SRGAP3: variants seen among roughly 807,000 people sequenced by gnomAD.
SRGAP3 encodes the protein SLIT-ROBO Rho GTPase-activating protein 3.
Under a neutral mutation model 121.1 loss-of-function variants are expected in SRGAP3, and 39 were observed. The ratio of observed to expected loss-of-function variants is 0.32; its 90% CI spans 0.25 to 0.42. SRGAP3 has a LOEUF of 0.42. SRGAP3 is among the 10% of genes least tolerant of loss of function. The pLI, the probability that SRGAP3 is intolerant of heterozygous loss-of-function variation, is 1.00. For synonymous variants in SRGAP3, 601 were observed against 570.0 expected (o/e 1.05, Z -0.77); for missense variants, 1,213 against 1,470.6 (o/e 0.82, Z 2.86).
intron 5 of SRGAP3, among the ~76,000 whole-genome samples, chr3:9,060,953 C>T (rs1190682037): frequency 4.6e-5 from 7 of 152,112 alleles, no homozygotes; most frequent in Admixed American, 2.0e-4. Flanking sequence ...AAATAAGATC[C>T]CTGGCCAGGA....
chr3:9,233,284 T>G (rs1345472325), intron 1 of SRGAP3, among the ~76,000 whole-genome samples: 2 of 152,242 alleles, frequency 1.3e-5, no homozygotes, highest in Non-Finnish European at 2.9e-5. Flanking sequence ...GAGCCGTGAT[T>G]GAACCCCGGT....
chr3:9,327,590 C>T (rs554994922), intron 2 of SRGAP3, among the ~76,000 whole-genome samples: 1 of 152,310 alleles, frequency 6.6e-6, no homozygotes, highest in African/African-American at 2.4e-5. Flanking sequence ...TTTAATTATG[C>T]ACTAGGTGTG....
At chr3:9,084,918 G>A (rs1452304418) in intron 3 of SRGAP3, among the ~76,000 whole-genome samples, 1 of 152,140 alleles carries the variant, frequency 6.6e-6, no homozygotes, top group Admixed American at 6.5e-5. Flanking sequence ...CAGGCCTGTT[G>A]GGCAGCAGAG....
At chr3:9,341,479 G>A (rs1351959865) in intron 1 of SRGAP3, among the ~76,000 whole-genome samples, 1 of 152,198 alleles carries the variant, frequency 6.6e-6, no homozygotes, top group East Asian at 1.9e-4. Flanking sequence ...ATATTTCCCA[G>A]CTGCTTACAG....
chr3:9,347,971 T>C (rs989416701), intron 1 of SRGAP3, among the ~76,000 whole-genome samples: 3 of 152,220 alleles, frequency 2.0e-5, no homozygotes, highest in African/African-American at 4.8e-5. Flanking sequence ...AAGAGTAGCA[T>C]GGTTACTCAC....
rs1042017711 is a variant in SRGAP3 at position 9,135,889 on chromosome 3, T to C, written c.68-10972A>G. 5.5e-4 allele frequency among the ~76,000 whole-genome samples: 83 copies of C among 152,258 alleles called. 2 individuals are homozygous for C. Among genetic ancestry groups the C allele is most frequent in the South Asian group, 4.1e-4 (2 of 4,824 alleles). ...GGTCTCTGTTTTCTCATCTGTAAAATAGGGAATAATACCTTCCCCCCTGGG... is the reference window on the plus strand; with the variant it reads ...GGTCTCTGTTTTCTCATCTGTAAAACAGGGAATAATACCTTCCCCCCTGGG... On this transcript the variant is annotated intron_variant, in intron 1 of 21. Coordinates refer to ENST00000383836, the MANE Select transcript of SRGAP3 (RefSeq NM_014850.4).
chr3:9,184,211 C>T (rs1297157519), intron 1 of SRGAP3, among the ~76,000 whole-genome samples: 2 of 152,170 alleles, frequency 1.3e-5, no homozygotes, highest in African/African-American at 2.4e-5. Context: ...AAGCCAGAGG[C>T]CATGGCAAGG....
intron 1 of SRGAP3, among the ~76,000 whole-genome samples, chr3:9,229,569 C>T (rs1054073990): frequency 1.3e-5 from 2 of 152,166 alleles, no homozygotes; most frequent in African/African-American, 4.8e-5. Flanking sequence ...TCCTAGCCAG[C>T]GGCCTGTGTC....
intron 3 of SRGAP3, among the ~76,000 whole-genome samples, chr3:9,315,558 AC>A (rs1955329590): frequency 6.6e-6 from 1 of 152,130 alleles, no homozygotes; most frequent in Admixed American, 6.6e-5. Flanking sequence ...GGAGACAATA[AC>A]CTCTTACGTG....
At chr3:9,127,047 TC>T (rs1193279171) in intron 1 of SRGAP3, among the ~76,000 whole-genome samples, 2 of 152,080 alleles carry the variant, frequency 1.3e-5, no homozygotes, top group African/African-American at 2.4e-5. Flanking sequence ...CAAAGTGTGG[TC>T]CATGAGACCA....
At chr3:9,057,693 G>A (rs544279970) in intron 7 of SRGAP3, among the ~76,000 whole-genome samples, 165 of 152,370 alleles carry the variant, frequency 1.1e-3, no homozygotes, top group Non-Finnish European at 2.0e-3. Flanking sequence ...ATTTGCATAA[G>A]GGATTTTGTA....
At chr3:9,336,542 T>A (rs575105739) in intron 1 of SRGAP3, among the ~76,000 whole-genome samples, 1 of 151,972 alleles carries the variant, frequency 6.6e-6, no homozygotes, top group Non-Finnish European at 1.5e-5. Context: ...TTTAAAGAAA[T>A]GTTGTTGGGA....
intron 1 of SRGAP3, among the ~76,000 whole-genome samples, chr3:9,135,950 G>A (rs895267674): frequency 2.0e-5 from 3 of 152,242 alleles, no homozygotes; most frequent in Non-Finnish European, 4.4e-5. Context: ...TGCGCGTGGT[G>A]CCTGGGGCAC....
intron 4 of SRGAP3, among the ~76,000 whole-genome samples, chr3:9,070,146 G>A (rs1208547161): frequency 6.6e-6 from 1 of 152,226 alleles, no homozygotes; most frequent in Non-Finnish European, 1.5e-5. Flanking sequence ...ACAGCAAAGT[G>A]TTATCTGTAC....
Position 9,013,553 on chromosome 3 carries a change from C to G in SRGAP3, c.1920-18G>C, listed in dbSNP as rs768761962. On this transcript the variant is annotated intron_variant, in intron 16 of 21. Coordinates refer to ENST00000383836, the MANE Select transcript of SRGAP3 (RefSeq NM_014850.4). ...GGGAGAGGCTAGGAGAGAGGAGTTACCCACAAGTCATCTGGGAAAGGCAAG... is the reference window on the plus strand; with the variant it reads ...GGGAGAGGCTAGGAGAGAGGAGTTAGCCACAAGTCATCTGGGAAAGGCAAG... 2.2e-5 allele frequency: 36 copies of G among 1,612,802 alleles called. No homozygotes were observed. Among genetic ancestry groups the G allele is most frequent in the Non-Finnish European group, 3.0e-5 (35 of 1,179,158 alleles).
intron 3 of SRGAP3, among the ~76,000 whole-genome samples, chr3:9,096,980 T>C (rs1234029367): frequency 0.014 from 1,025 of 70,976 alleles, 31 homozygotes; most frequent in African/African-American, 0.048. Flanking sequence ...TATATATATA[T>C]ACACATACAC....
At chr3:9,052,176 G>A (rs148182526) in intron 9 of SRGAP3, among the ~76,000 whole-genome samples, 1 of 152,192 alleles carries the variant, frequency 6.6e-6, no homozygotes, top group African/African-American at 2.4e-5. Context: ...ATTTAGCCTA[G>A]AGAAATGAAA....
At chr3:9,229,117 T>G (rs1953108496) in intron 1 of SRGAP3, among the ~76,000 whole-genome samples, 1 of 138,780 alleles carries the variant, frequency 7.2e-6, no homozygotes, top group Non-Finnish European at 1.6e-5. Context: ...CCTCCCCAAA[T>G]CAGGGTTATT....
rs1465899487 is a variant in SRGAP3 at position 9,056,352 on chromosome 3, A to T, written c.1024-18T>A. 5.0e-6 allele frequency: 8 copies of T among 1,610,402 alleles called. No homozygotes were observed. Among genetic ancestry groups the T allele is most frequent in the Admixed American group, 1.7e-5 (1 of 59,994 alleles). On this transcript the variant is annotated intron_variant, in intron 7 of 21. Transcript: ENST00000383836. The stretch of plus-strand genomic sequence containing the variant: ...TGGCAGACCTGCAGGAATAACAGCC[A>T]CCATCTGTGGTTGCCCTGTGCCCTC...
Sources: gnomAD v4.1 joint callset for allele counts (sites outside exome capture counted in the v4.1 genomes callset) on GRCh38, gnomAD v4.1.1 for gene constraint, MANE v1.5 for transcripts, NCBI Gene and HGNC (gene_info 2026-07-23, HGNC 2026-07-21) for gene names.